Variants in RAB21 observed in about 807,000 individuals in gnomAD.
The protein encoded by RAB21 is RAB21, member RAS oncogene family.
A neutral mutation model predicts 33.1 loss-of-function variants in RAB21; 13 were observed. That is an observed-to-expected ratio of 0.39 (90% CI 0.26 to 0.62). RAB21 has a LOEUF of 0.62. Among genes scored for constraint, RAB21 ranks in the 20% least tolerant of loss-of-function variants. The pLI is 0.48. For synonymous variants in RAB21, 91 were observed against 103.7 expected (o/e 0.88, Z 0.74); for missense variants, 234 against 279.1 (o/e 0.84, Z 1.15).
chr12:71,764,586 GTCTTTTATCCCA>G (rs1413043972), intron 1 of RAB21, among the ~76,000 whole-genome samples: 1 of 152,068 alleles, frequency 6.6e-6, no homozygotes, highest in Admixed American at 6.5e-5. Context: ...TCAATATGTA[GTCTTTTATCCCA>G]TACCCTCCTC....
At chr12:71,782,308 A>G (rs749248033) in intron 5 of RAB21, 4 of 555,282 alleles carry the variant, frequency 7.2e-6, no homozygotes, top group Non-Finnish European at 1.3e-5. Flanking sequence ...AAACAAAACT[A>G]TCATGATCAA....
chr12:71,780,192 G>A (rs928560328), intron 4 of RAB21, among the ~76,000 whole-genome samples: 1 of 152,134 alleles, frequency 6.6e-6, no homozygotes, highest in East Asian at 1.9e-4. Flanking sequence ...GAGGCAGTAA[G>A]GTGATTGCCT....
chr12:71,789,974 T>G lies in RAB21; in HGVS notation c.*4301T>G, dbSNP rs1883355735. 1 of 152,176 alleles carries G rather than the reference T, an allele frequency of 6.6e-6. No individual in the cohort carries two copies. The highest frequency in any genetic ancestry group is 1.5e-5 in the Non-Finnish European group (1 of 68,016). 9.4% of individuals were successfully genotyped at this position (152,176 alleles called of 1,614,324 possible). On this transcript the variant is annotated 3_prime_UTR_variant, in exon 7 of 7. Transcript: ENST00000261263. ...AGTTTTCAATTTCAAGCAGAAATGC[T>G]TCTCTTCTAAATAAATACCACTTAA...
rs930775478 is a variant in RAB21, at chr12:71,799,015, G to A, written c.*13342G>A. ...TTTTGAAGTTCTTGAATGTTACGAG[G>A]TAGTGAAAAACGTTTCCATGCAGCA... On this transcript the variant is annotated 3_prime_UTR_variant, in exon 7 of 7. Transcript: ENST00000261263. The A allele has an allele frequency of 1.3e-5, 2 of 152,270 alleles. No homozygotes were observed. The highest frequency in any genetic ancestry group is 4.8e-5 in the African/African-American group (2 of 41,464). 9.4% of individuals were successfully genotyped at this position (152,270 alleles called of 1,614,324 possible). A position where few individuals can be genotyped will look rare whatever the true frequency, so the allele number is the denominator to read the frequency against.
rs941008221 is a variant in RAB21, at chr12:71,794,773, T to A, written c.*9100T>A. 6.9e-6 allele frequency: 1 copy of A among 144,942 alleles called. No individual in the cohort carries two copies. 9.0% of individuals were successfully genotyped at this position (144,942 alleles called of 1,614,324 possible). On this transcript the variant is annotated 3_prime_UTR_variant, in exon 7 of 7. Transcript: ENST00000261263. The stretch of plus-strand genomic sequence containing the variant: ...ATTTATATATATTTCATATATATAT[T>A]ATATATATATAAAATTAACCGGGCA...
chr12:71,779,987 T>G (rs1883174698), intron 4 of RAB21, among the ~76,000 whole-genome samples: 1 of 152,208 alleles, frequency 6.6e-6, no homozygotes, highest in South Asian at 2.1e-4. Context: ...TGCAATGTAT[T>G]CTGTGCTGTC....
chr12:71,768,634 G>A (rs1882995392), intron 1 of RAB21, among the ~76,000 whole-genome samples: 1 of 151,624 alleles, frequency 6.6e-6, no homozygotes, highest in Non-Finnish European at 1.5e-5. Context: ...CCTATCCCAG[G>A]GTCATTCTCT....
intron 1 of RAB21, among the ~76,000 whole-genome samples, chr12:71,761,371 C>T (rs916916217): frequency 6.6e-6 from 1 of 152,060 alleles, no homozygotes; most frequent in African/African-American, 2.4e-5. Context: ...TAGTAAGACC[C>T]TGTTTTTAAA....
chr12:71,776,724 AAAG>A (rs1883125343), intron 4 of RAB21, among the ~76,000 whole-genome samples: 2 of 152,036 alleles, frequency 1.3e-5, no homozygotes, highest in African/African-American at 4.8e-5. Flanking sequence ...AAAAAAAAAA[AAAG>A]AATTCTGAGA....
At chr12:71,784,667 T>C (rs1319424693) in intron 6 of RAB21, among the ~76,000 whole-genome samples, 2 of 152,234 alleles carry the variant, frequency 1.3e-5, no homozygotes, top group Non-Finnish European at 2.9e-5. Flanking sequence ...TTGGTTCCAC[T>C]GATCTATTTC....
Position 71,786,603 on chromosome 12 carries a change from A to T in RAB21, c.*930A>T, listed in dbSNP as rs1254153016. 1.3e-5 allele frequency: 2 copies of T among 152,674 alleles called. No individual in the cohort carries two copies. Among genetic ancestry groups the T allele is most frequent in the African/African-American group, 4.8e-5 (2 of 41,474 alleles). 9.5% of individuals were successfully genotyped at this position (152,674 alleles called of 1,614,324 possible). A position where few individuals can be genotyped will look rare whatever the true frequency, so the allele number is the denominator to read the frequency against. On this transcript the variant is annotated 3_prime_UTR_variant, in exon 7 of 7. Coordinates refer to ENST00000261263, the MANE Select transcript of RAB21 (RefSeq NM_014999.4). ...ACAAGCGCAAGGTGCAAAAATATATACAATAGTCTCATTGATGACTGTAAA... is the reference window on the plus strand; with the variant it reads ...ACAAGCGCAAGGTGCAAAAATATATTCAATAGTCTCATTGATGACTGTAAA...
chr12:71,792,962 A>C lies in RAB21; in HGVS notation c.*7289A>C, dbSNP rs1479442575. The C allele has an allele frequency of 1.3e-5, 2 of 152,260 alleles. No individual in the cohort carries two copies. The allele number at this position is 152,260 out of a possible 1,614,324, so 9.4% of individuals were successfully genotyped here. A position where few individuals can be genotyped will look rare whatever the true frequency, so the allele number is the denominator to read the frequency against. ...GAAGCTGACAGTGAATTTGAGGTAA[A>C]GCTGGAAAGAATGTTTTTGAATTTT... On this transcript the variant is annotated 3_prime_UTR_variant, in exon 7 of 7. Transcript: ENST00000261263.
At chr12:71,770,512 T>C (rs2137647613) in intron 2 of RAB21, 80 bp from the exon 3 acceptor site, 2 of 959,398 alleles carry the variant, frequency 2.1e-6, no homozygotes, top group South Asian at 1.4e-5. Context: ...ATTTTCCAAT[T>C]AATCAAAAAG....
chr12:71,755,402 A>G (rs1441071874), intron 1 of RAB21, 114 bp downstream of exon 1: 1 of 1,240,304 alleles, frequency 8.1e-7, no homozygotes, highest in Non-Finnish European at 1.1e-6. Context: ...CAGGCCTGTC[A>G]TCTCCGCCTT....
At chr12:71,758,629 C>T (rs888696031) in intron 1 of RAB21, among the ~76,000 whole-genome samples, 7 of 144,034 alleles carry the variant, frequency 4.9e-5, no homozygotes, top group Non-Finnish European at 7.6e-5. Context: ...CACAGGCGTG[C>T]GCCACCATGC....
rs192707972 is a variant in RAB21, at chr12:71,765,358, T to C, written c.160-4442T>C. On this transcript the variant is annotated intron_variant, in intron 1 of 6. Transcript: ENST00000261263. ...CTTGTAGATTCTGGATATTAGTCTTTTGTTGGATGCTTAGTTTACGAACAT... is the reference window on the plus strand; with the variant it reads ...CTTGTAGATTCTGGATATTAGTCTTCTGTTGGATGCTTAGTTTACGAACAT... Among the ~76,000 whole-genome samples, 30 of 152,340 alleles carry C rather than the reference T, an allele frequency of 2.0e-4. 1 individual carries two copies. The highest frequency in any genetic ancestry group is 4.1e-4 in the South Asian group (2 of 4,832).
chr12:71,772,046 C>A (rs1271715361), intron 3 of RAB21, among the ~76,000 whole-genome samples: 1 of 152,036 alleles, frequency 6.6e-6, no homozygotes, highest in Non-Finnish European at 1.5e-5. Context: ...ACAAAACCCC[C>A]AAAATTTTTG....
At position 71,785,878 on chromosome 12, in the gene RAB21, TG is replaced by T. The variant is rs1485206027; in HGVS notation, c.*206del. Reference sequence around the variant, plus strand: ...CCAGAGAATTGGCATTTTCTACAAATGTTTTTTTTTGTTTTTTTTTTGTTTT... The same window carrying T: ...CCAGAGAATTGGCATTTTCTACAAATTTTTTTTTTGTTTTTTTTTTGTTTT... On this transcript the variant is annotated 3_prime_UTR_variant, in exon 7 of 7. Coordinates refer to ENST00000261263, the MANE Select transcript of RAB21 (RefSeq NM_014999.4). 2.2e-5 allele frequency: 12 copies of T among 535,540 alleles called. No individual in the cohort carries two copies. Among genetic ancestry groups the T allele is most frequent in the African/African-American group, 4.0e-5 (2 of 49,522 alleles). The allele number at this position is 535,540 out of a possible 1,614,324, so 33.2% of individuals were successfully genotyped here.
Position 71,788,487 on chromosome 12 carries a change from A to G in RAB21, c.*2814A>G, listed in dbSNP as rs1438178557. ...AGGAATAGAGTAATGAAAGAGGACC[A>G]GTCAACTTCAGTATATATACAAAGG... On this transcript the variant is annotated 3_prime_UTR_variant, in exon 7 of 7. Coordinates refer to ENST00000261263, the MANE Select transcript of RAB21 (RefSeq NM_014999.4). The G allele has an allele frequency of 6.6e-6, 1 of 152,218 alleles. No individual in the cohort carries two copies. Among genetic ancestry groups the G allele is most frequent in the Non-Finnish European group, 1.5e-5 (1 of 68,032 alleles). The allele number at this position is 152,218 out of a possible 1,614,324, so 9.4% of individuals were successfully genotyped here. A position where few individuals can be genotyped will look rare whatever the true frequency, so the allele number is the denominator to read the frequency against.
Sources: allele counts gnomAD v4.1 joint callset (sites outside exome capture counted in the v4.1 genomes callset), GRCh38; gene constraint gnomAD v4.1.1; transcripts MANE v1.5; gene names NCBI Gene and HGNC (gene_info 2026-07-23, HGNC 2026-07-21).